Variants in SORCS2 observed in about 807,000 individuals in gnomAD.
SORCS2 encodes sortilin related VPS10 domain containing receptor 2.
A neutral mutation model predicts 141.6 loss-of-function variants in SORCS2; 100 were observed. The ratio of observed to expected loss-of-function variants is 0.71; its 90% CI spans 0.60 to 0.83. SORCS2 has a LOEUF of 0.83. Among genes scored for constraint, SORCS2 ranks in the 40% least tolerant of loss-of-function variants. The pLI is 0.00. For synonymous variants in SORCS2, 789 were observed against 676.9 expected (o/e 1.17, Z -2.57); for missense variants, 1,646 against 1,560.2 (o/e 1.05, Z -0.93).
rs113637236 is a variant in SORCS2 at position 7,622,389 on chromosome 4, C to T, written c.649-15939C>T. On this transcript the variant is annotated intron_variant, in intron 3 of 26. Coordinates refer to ENST00000507866, the MANE Select transcript of SORCS2 (RefSeq NM_020777.3). ...AGGGTTGAGCTTGTTATAAAGAAAACACTTGCACAGGCAGCGAGGTAGGGA... is the reference window on the plus strand; with the variant it reads ...AGGGTTGAGCTTGTTATAAAGAAAATACTTGCACAGGCAGCGAGGTAGGGA... 9.5e-4 allele frequency among the ~76,000 whole-genome samples: 144 copies of T among 152,272 alleles called. 1 individual carries two copies. Among genetic ancestry groups the T allele is most frequent in the African/African-American group, 3.3e-3 (139 of 41,566 alleles).
At chr4:7,632,909 G>C (rs1191393189) in intron 3 of SORCS2, among the ~76,000 whole-genome samples, 5 of 152,236 alleles carry the variant, frequency 3.3e-5, no homozygotes, top group East Asian at 1.9e-4. Flanking sequence ...ATCATAGAGG[G>C]CTTCCTGGAA....
At chr4:7,633,528 T>C (rs555319055) in intron 3 of SORCS2, among the ~76,000 whole-genome samples, 24 of 152,300 alleles carry the variant, frequency 1.6e-4, no homozygotes, top group East Asian at 9.7e-4. Flanking sequence ...AGCGGAGCCC[T>C]GTGTTTACCT....
chr4:7,512,990 C>A (rs542323148), intron 2 of SORCS2, among the ~76,000 whole-genome samples: 1 of 152,276 alleles, frequency 6.6e-6, no homozygotes, highest in East Asian at 1.9e-4. Flanking sequence ...TAGGAAAAGC[C>A]CACATCATTG....
At chr4:7,669,928 T>G (rs138830335) in intron 8 of SORCS2, among the ~76,000 whole-genome samples, 46 of 152,378 alleles carry the variant, frequency 3.0e-4, no homozygotes, top group Non-Finnish European at 5.9e-4. Context: ...AGAGTGTACC[T>G]TGTTGAGCTA....
At chr4:7,485,496 T>A (rs1730923575) in intron 2 of SORCS2, among the ~76,000 whole-genome samples, 1 of 152,252 alleles carries the variant, frequency 6.6e-6, no homozygotes, top group Admixed American at 6.5e-5. Flanking sequence ...GGGCCTCATG[T>A]CTGCCTTTGG....
chr4:7,264,256 A>C (rs955415986), intron 1 of SORCS2, among the ~76,000 whole-genome samples: 6 of 152,232 alleles, frequency 3.9e-5, no homozygotes, highest in Non-Finnish European at 5.9e-5. Flanking sequence ...CAAAGCGAGA[A>C]GAGAACAGAC....
At chr4:7,490,261 C>A (rs1731238665) in intron 2 of SORCS2, among the ~76,000 whole-genome samples, 2 of 152,182 alleles carry the variant, frequency 1.3e-5, no homozygotes, top group South Asian at 4.1e-4. Flanking sequence ...AGACCATCTC[C>A]CTTCTGACTC....
chr4:7,662,939 T>G (rs1455905035), intron 6 of SORCS2, among the ~76,000 whole-genome samples: 1 of 151,998 alleles, frequency 6.6e-6, no homozygotes, highest in African/African-American at 2.4e-5. Context: ...GATGAATGAG[T>G]GAGTGATTGA....
chr4:7,476,612 A>G (rs1730308784), intron 2 of SORCS2, among the ~76,000 whole-genome samples: 1 of 152,112 alleles, frequency 6.6e-6, no homozygotes, highest in Non-Finnish European at 1.5e-5. Flanking sequence ...TTCCTGATGA[A>G]AAGCCAAGTA....
intron 2 of SORCS2, among the ~76,000 whole-genome samples, chr4:7,509,876 C>A (rs1399268561): frequency 6.6e-6 from 1 of 152,200 alleles, no homozygotes; most frequent in Non-Finnish European, 1.5e-5. Flanking sequence ...CCCTTTGCCC[C>A]AGCTGTCCAA....
intron 3 of SORCS2, among the ~76,000 whole-genome samples, chr4:7,621,706 C>A (rs1719205616): frequency 6.6e-6 from 1 of 152,144 alleles, no homozygotes; most frequent in Non-Finnish European, 1.5e-5. Flanking sequence ...ACACAGAAAC[C>A]CAGTCAATAA....
Position 7,664,451 on chromosome 4 carries a change from G to T in SORCS2, c.1051G>T (p.Asp351Tyr). 1.2e-6 allele frequency: 2 copies of T among 1,613,420 alleles called. No homozygotes were observed. The highest frequency in any genetic ancestry group is 1.1e-5 in the South Asian group (1 of 91,012). Residue 351 changes from aspartate (D) to tyrosine (Y), a missense_variant, in exon 7 of 27, where the codon GAC (aspartate) becomes TAC (tyrosine). Asp to Tyr is a radical substitution (Grantham distance 160, BLOSUM62 -3). Transcript: ENST00000507866. The surrounding 1 kb of genome is among the most constrained non-coding windows in gnomAD (Gnocchi z 4.7). ...TGACCACGGGTCTCTGACCGTGCAG[G>T]ACGATTACATCTTCTTTAAGGTAAG... ...PIDHGSLTVQDDYIFFKATSA... is the reference protein window; with the variant it reads ...PIDHGSLTVQYDYIFFKATSA...
chr4:7,260,256 G>T (rs982721159), intron 1 of SORCS2, among the ~76,000 whole-genome samples: 24 of 152,212 alleles, frequency 1.6e-4, no homozygotes, highest in African/African-American at 5.8e-4. Flanking sequence ...CCCCCTGAGG[G>T]GCTGGATTTC....
intron 1 of SORCS2, among the ~76,000 whole-genome samples, chr4:7,222,783 G>T (rs1728787224): frequency 6.6e-6 from 1 of 152,074 alleles, no homozygotes; most frequent in Non-Finnish European, 1.5e-5. Flanking sequence ...GATCTGTGTG[G>T]GGTGTGGGTG....
chr4:7,586,916 T>C (rs1716573087), intron 3 of SORCS2, among the ~76,000 whole-genome samples: 1 of 152,126 alleles, frequency 6.6e-6, no homozygotes, highest in South Asian at 2.1e-4. Flanking sequence ...CATCTTTCAC[T>C]GAGTCTTTGG....
chr4:7,499,054 C>T (rs1731802997), intron 2 of SORCS2, among the ~76,000 whole-genome samples: 1 of 149,960 alleles, frequency 6.7e-6, no homozygotes, highest in South Asian at 2.1e-4. Context: ...CATGTGTGTG[C>T]ACAATCACGT....
intron 15 of SORCS2, among the ~76,000 whole-genome samples, chr4:7,713,408 G>C (rs912841525): frequency 6.6e-6 from 1 of 152,020 alleles, no homozygotes; most frequent in Non-Finnish European, 1.5e-5. Context: ...CTCGGGGGTG[G>C]GTGGCCCTGT....
intron 2 of SORCS2, among the ~76,000 whole-genome samples, chr4:7,474,881 C>A (rs1730196773): frequency 6.6e-6 from 1 of 152,136 alleles, no homozygotes. Flanking sequence ...CTGGGGAGTT[C>A]CCTTCTGGCT....
chr4:7,199,863 C>A (rs1234549143), intron 1 of SORCS2, among the ~76,000 whole-genome samples: 1 of 152,072 alleles, frequency 6.6e-6, no homozygotes. Flanking sequence ...CTCTCCCACT[C>A]CCCAAAATCA....
Sources: gnomAD v4.1 joint callset for allele counts (sites outside exome capture counted in the v4.1 genomes callset) on GRCh38, gnomAD v4.1.1 for gene constraint, Gnocchi (gnomAD v3.1) non-coding constraint, MANE v1.5 for transcripts, NCBI Gene and HGNC (gene_info 2026-07-23, HGNC 2026-07-21) for gene names.